Variants in PREX2 observed in about 807,000 individuals in gnomAD.
The protein encoded by PREX2 is phosphatidylinositol-3,4,5-trisphosphate dependent Rac exchange factor 2.
A neutral mutation model predicts 203.2 loss-of-function variants in PREX2; 107 were observed. That is an observed-to-expected ratio of 0.53 (90% CI 0.45 to 0.62). The LOEUF (loss-of-function observed/expected upper bound fraction) is 0.62. Among genes scored for constraint, PREX2 ranks in the 20% least tolerant of loss-of-function variants. The pLI is 0.00. For synonymous variants in PREX2, 672 were observed against 663.6 expected, an observed-to-expected ratio of 1.01 and a Z score of -0.19; for missense variants, 1,777 against 1,955.9, an observed-to-expected ratio of 0.91 and a Z score of 1.72.
chr8:68,150,813 A>G (rs1263723283), intron 34 of PREX2, among the ~76,000 whole-genome samples: 1 of 152,184 alleles, frequency 6.6e-6, no homozygotes, highest in Non-Finnish European at 1.5e-5. Context: ...GCTTAAAACA[A>G]CAGAAATGTA....
chr8:68,204,190 G>A (rs1812563707), intron 37 of PREX2, among the ~76,000 whole-genome samples: 1 of 149,544 alleles, frequency 6.7e-6, no homozygotes, highest in Non-Finnish European at 1.5e-5. Context: ...TCCTGGCATG[G>A]CAAATACTTC....
intron 30 of PREX2, among the ~76,000 whole-genome samples, chr8:68,126,093 T>A (rs567179147): frequency 6.6e-6 from 1 of 152,258 alleles, no homozygotes; most frequent in South Asian, 2.1e-4. Context: ...AATGATATAA[T>A]AAAATCTCTG....
intron 23 of PREX2, among the ~76,000 whole-genome samples, chr8:68,104,661 T>G (rs1810357323): frequency 6.6e-6 from 1 of 152,196 alleles, no homozygotes. Context: ...CTATCAACAT[T>G]ACATAATTGA....
intron 5 of PREX2, among the ~76,000 whole-genome samples, chr8:68,028,572 A>G (rs1330263983): frequency 3.9e-5 from 6 of 152,092 alleles, no homozygotes. Context: ...TTAAAGAAAT[A>G]AGAGTCTAGC....
chr8:68,129,680 T>G (rs1475296628), intron 31 of PREX2, among the ~76,000 whole-genome samples: 2 of 152,168 alleles, frequency 1.3e-5, no homozygotes, highest in African/African-American at 4.8e-5. Context: ...TTACAGATCT[T>G]AAACTTCTAA....
intron 15 of PREX2, among the ~76,000 whole-genome samples, chr8:68,079,798 G>T (rs1011574524): frequency 1.3e-5 from 2 of 152,008 alleles, no homozygotes; most frequent in Admixed American, 6.6e-5. Flanking sequence ...AGGGGATTTG[G>T]GGGGAAATGC....
intron 1 of PREX2, among the ~76,000 whole-genome samples, chr8:67,990,174 T>G (rs564040620): frequency 9.9e-5 from 15 of 151,360 alleles, no homozygotes; most frequent in Admixed American, 2.6e-4. Flanking sequence ...TTAGTAGAAA[T>G]GGGGTTTCAC....
rs934949748 is a variant in PREX2 at position 68,105,508 on chromosome 8, G to T, written c.2716-2601G>T. The T allele has an allele frequency of 8.6e-6, 10 of 1,156,922 alleles. No individual in the cohort carries two copies. The Admixed American group carries it at 3.8e-4, about 44-fold the overall frequency. The allele number at this position is 1,156,922 out of a possible 1,614,324, so 71.7% of individuals were successfully genotyped here. A position where few individuals can be genotyped will look rare whatever the true frequency, so the allele number is the denominator to read the frequency against. ...AGTCCCCCTAGCAAGAGAATCTTCT[G>T]CCAGCTCTCCCCGATTACTCCATTA... On this transcript the variant is annotated intron_variant, in intron 23 of 39. Transcript: ENST00000288368.
intron 20 of PREX2, among the ~76,000 whole-genome samples, chr8:68,091,525 A>T (rs1404845944): frequency 1.3e-5 from 2 of 152,222 alleles, no homozygotes; most frequent in Non-Finnish European, 2.9e-5. Flanking sequence ...CTGGAAGATG[A>T]ATGGCCATTT....
rs1305525006 is a variant in PREX2 at position 68,233,238 on chromosome 8, A to G, written c.*1860A>G. The G allele has an allele frequency of 6.6e-6, 1 of 152,180 alleles. No homozygotes were observed. Among genetic ancestry groups the G allele is most frequent in the Non-Finnish European group, 1.5e-5 (1 of 68,022 alleles). 9.4% of individuals were successfully genotyped at this position (152,180 alleles called of 1,614,324 possible). On this transcript the variant is annotated 3_prime_UTR_variant, in exon 40 of 40. Coordinates refer to ENST00000288368, the MANE Select transcript of PREX2 (RefSeq NM_024870.4). ...TAACATTTGTAGGACTAATAAAGGA[A>G]CACAGCTGATTAGCTAGCAAGTCCT...
chr8:68,093,356 C>T (rs902443748), intron 20 of PREX2, among the ~76,000 whole-genome samples: 1 of 144,420 alleles, frequency 6.9e-6, no homozygotes, highest in African/African-American at 2.6e-5. Flanking sequence ...CACCATTGCA[C>T]TCCAGCCTGG....
chr8:67,976,040 A>T (rs191405943), intron 1 of PREX2, among the ~76,000 whole-genome samples: 225 of 151,978 alleles, frequency 1.5e-3, no homozygotes, highest in Middle Eastern at 6.8e-3. Flanking sequence ...TTTTTGATTT[A>T]AAAAAATGCA....
chr8:68,215,476 G>A (rs1025114901), intron 37 of PREX2, among the ~76,000 whole-genome samples: 1 of 151,254 alleles, frequency 6.6e-6, no homozygotes, highest in Non-Finnish European at 1.5e-5. Flanking sequence ...ACCTTAATGA[G>A]GAGAAAAAGG....
rs143284380 is a variant in PREX2 at position 68,019,068 on chromosome 8, A to G, written c.214-481A>G. Among the ~76,000 whole-genome samples the G allele has an allele frequency of 8.1e-4, 124 of 152,348 alleles. 1 individual carries two copies. The highest frequency in any genetic ancestry group is 3.0e-3 in the African/African-American group (123 of 41,588). ...CACCTGTGACCCAGAGAGGCCAGCA[A>G]GGTCGCTACATCCTCTCCAGCTAAT... On this transcript the variant is annotated intron_variant, in intron 2 of 39. Transcript: ENST00000288368.
Position 68,044,561 on chromosome 8 carries a change from T to C in PREX2, c.914T>C (p.Met305Thr), listed in dbSNP as rs1350370469. ...CGTGGCCGGATCAACACGGAGGTGA[T>C]GGAAGTGGAGAATGTGGATGATGGC... The part of the protein sequence containing the change: ...LFRGRINTEV[M>T]EVENVDDGTA... Residue 305 changes from methionine to threonine, a missense_variant, in exon 8 of 40, where the codon ATG (methionine) becomes ACG (threonine). Met to Thr is a moderately conservative substitution (Grantham distance 81). Transcript: ENST00000288368. 2 of 1,612,954 alleles carry C rather than the reference T, an allele frequency of 1.2e-6. No homozygotes were observed. The highest frequency in any genetic ancestry group is 2.2e-5 in the South Asian group (2 of 90,994).
intron 1 of PREX2, among the ~76,000 whole-genome samples, chr8:67,990,764 C>T (rs1011277814): frequency 6.6e-6 from 1 of 152,000 alleles, no homozygotes; most frequent in African/African-American, 2.4e-5. Context: ...CTGCCCACCT[C>T]AGTCTCCTGA....
chr8:68,098,938 GTATATATATATATATA>G (rs71253061), intron 22 of PREX2, among the ~76,000 whole-genome samples: 1,130 of 109,806 alleles, frequency 0.01, 39 homozygotes, highest in African/African-American at 0.039. Context: ...ATATATATGT[GTATATATATATATATA>G]TATATATATA....
intron 25 of PREX2, among the ~76,000 whole-genome samples, 183 bp from the exon 26 acceptor site, chr8:68,115,561 TTTGTATGAC>T (rs1402761366): frequency 6.8e-6 from 1 of 147,970 alleles, no homozygotes; most frequent in African/African-American, 2.7e-5. Context: ...TTGTATGTTG[TTTGTATGAC>T]TTATTTTGTG....
At chr8:68,006,509 T>A (rs114559692) in intron 1 of PREX2, among the ~76,000 whole-genome samples, 4,194 of 152,168 alleles carry the variant, frequency 0.028, 197 homozygotes, top group African/African-American at 0.095. Context: ...TCCGTCAGGG[T>A]CACCTTTAGA....
Sources: allele counts gnomAD v4.1 joint callset (sites outside exome capture counted in the v4.1 genomes callset), GRCh38; gene constraint gnomAD v4.1.1; transcripts MANE v1.5; gene names NCBI Gene and HGNC (gene_info 2026-07-23, HGNC 2026-07-21).